The following GABRR3 variants were observed in gnomAD, a reference collection of about 807,000 sequenced individuals.
The protein encoded by GABRR3 is gamma-aminobutyric acid type A receptor subunit rho3.
GABRR3 carries 29 observed loss-of-function variants against 43.2 expected under a neutral mutation model. The observed-to-expected ratio is 0.67, with a 90% CI of 0.50 to 0.92. The LOEUF is 0.92. GABRR3 is among the 40% of genes least tolerant of loss of function. The pLI is 0.00. For synonymous variants in GABRR3, 206 were observed against 195.9 expected (o/e 1.05, Z -0.43); for missense variants, 576 against 572.3 (o/e 1.01, Z -0.07).
intron 2 of GABRR3, among the ~76,000 whole-genome samples, chr3:98,026,876 T>C (rs1707025176): frequency 6.6e-6 from 1 of 152,154 alleles, no homozygotes; most frequent in Admixed American, 6.6e-5. Flanking sequence ...ATACATCTTA[T>C]GGGCACCTGA....
At chr3:98,014,632 G>T (rs969840803) in intron 4 of GABRR3, among the ~76,000 whole-genome samples, 4 of 152,146 alleles carry the variant, frequency 2.6e-5, no homozygotes, top group Non-Finnish European at 5.9e-5. Context: ...TAAGGATGAG[G>T]CAGACCATTA....
chr3:98,031,473 G>C (rs1168561128), intron 2 of GABRR3, among the ~76,000 whole-genome samples: 1 of 152,144 alleles, frequency 6.6e-6, no homozygotes, highest in Non-Finnish European at 1.5e-5. Flanking sequence ...CTGTGGGCAC[G>C]GTGGCTCATG....
In GABRR3 at chr3:98,012,579, GAA is replaced by G. The variant is rs750764240; in HGVS notation, c.307-14_307-13del. The G allele has an allele frequency of 1.9e-6, 3 of 1,568,678 alleles. No homozygotes were observed. Among genetic ancestry groups the G allele is most frequent in the Non-Finnish European group, 2.6e-6 (3 of 1,158,046 alleles). On this transcript the variant is annotated splice_polypyrimidine_tract_variant and intron_variant, in intron 4 of 9. Transcript: ENST00000621172. The stretch of plus-strand genomic sequence containing the variant: ...GTCATTGTAAAGTCCTAGACAGAGA[GAA>G]AAAGAGACCAAAAAAACCAGTAGGA...
intron 7 of GABRR3, among the ~76,000 whole-genome samples, chr3:98,004,156 G>T (rs1039807843): frequency 1.3e-5 from 2 of 152,060 alleles, no homozygotes; most frequent in Non-Finnish European, 2.9e-5. Context: ...CACCTTCAAT[G>T]GCCCTTTGAA....
At chr3:98,014,930 A>T (rs1402966281) in intron 4 of GABRR3, among the ~76,000 whole-genome samples, 1 of 152,194 alleles carries the variant, frequency 6.6e-6, no homozygotes, top group East Asian at 1.9e-4. Flanking sequence ...TAAATTTTAA[A>T]TTTTAACACT....
chr3:97,992,927 C>A (rs78584064), exon 9 of GABRR3: 47 of 1,613,646 alleles, frequency 2.9e-5, no homozygotes, highest in Middle Eastern at 3.3e-4. Context: ...CAATGACTGA[C>A]AGGAACACAA....
chr3:97,996,254 A>C (rs1488159999), intron 8 of GABRR3, among the ~76,000 whole-genome samples: 1 of 152,186 alleles, frequency 6.6e-6, no homozygotes, highest in Admixed American at 6.5e-5. Flanking sequence ...TTTTTCATAT[A>C]GGCCTAGGCA....
chr3:98,025,598 G>A, exon 3 of GABRR3: 2 of 1,610,876 alleles, frequency 1.2e-6, no homozygotes, highest in Non-Finnish European at 1.7e-6. Context: ...CGAAATCGTT[G>A]TCCTCTATAT....
chr3:98,013,082 A>T lies in GABRR3; in HGVS notation c.307-515T>A, dbSNP rs182136584. ...TTATTAGAGCTATTCGTGTAAAGCAAGTTGTCAGAAGTCCTGGGACAGAGA... is the reference window on the plus strand; with the variant it reads ...TTATTAGAGCTATTCGTGTAAAGCATGTTGTCAGAAGTCCTGGGACAGAGA... On this transcript the variant is annotated intron_variant, in intron 4 of 9. Coordinates refer to ENST00000621172, the Ensembl canonical transcript of GABRR3. 2.1e-3 allele frequency among the ~76,000 whole-genome samples: 316 copies of T among 152,334 alleles called. 2 individuals are homozygous for T. The highest frequency in any genetic ancestry group is 7.2e-3 in the African/African-American group (298 of 41,582).
exon 10 of GABRR3, chr3:97,986,857 T>C (rs1706393280): frequency 1.2e-6 from 2 of 1,612,382 alleles, no homozygotes; most frequent in Non-Finnish European, 1.7e-6. Context: ...TGCATATCGA[T>C]TTTCTTCTCA....
At chr3:98,026,827 T>C (rs1707024881) in intron 2 of GABRR3, among the ~76,000 whole-genome samples, 1 of 152,072 alleles carries the variant, frequency 6.6e-6, no homozygotes, top group Admixed American at 6.6e-5. Flanking sequence ...GTGACTTCGA[T>C]GGGGAGAATT....
At chr3:98,021,363 T>C (rs184230596) in intron 3 of GABRR3, among the ~76,000 whole-genome samples, 6 of 152,182 alleles carry the variant, frequency 3.9e-5, no homozygotes, top group African/African-American at 1.4e-4. Flanking sequence ...GAGTCACAGA[T>C]AGAAGGTGGC....
intron 2 of GABRR3, among the ~76,000 whole-genome samples, chr3:98,027,855 G>A (rs1707042242): frequency 1.3e-5 from 2 of 151,838 alleles, no homozygotes; most frequent in South Asian, 2.1e-4. Flanking sequence ...GTTCCTTTAA[G>A]TGTATCCAGT....
chr3:98,013,661 C>T (rs369651117), intron 4 of GABRR3, among the ~76,000 whole-genome samples: 287 of 152,220 alleles, frequency 1.9e-3, no homozygotes, highest in Non-Finnish European at 3.4e-3. Flanking sequence ...GCTAGTTTGT[C>T]CTAGGTTCAG....
chr3:98,018,755 T>G (rs550112589), intron 3 of GABRR3, among the ~76,000 whole-genome samples: 88 of 152,292 alleles, frequency 5.8e-4, no homozygotes, highest in Non-Finnish European at 1.0e-3. Flanking sequence ...ATGTTTTCAA[T>G]TATGGTTGAG....
intron 2 of GABRR3, among the ~76,000 whole-genome samples, chr3:98,033,675 C>T (rs573206383): frequency 1.1e-4 from 16 of 152,114 alleles, no homozygotes; most frequent in East Asian, 9.6e-4. Flanking sequence ...TACTATAAAA[C>T]GTAATAAGCT....
At chr3:98,015,617 A>G (rs959660641) in intron 4 of GABRR3, among the ~76,000 whole-genome samples, 1 of 152,228 alleles carries the variant, frequency 6.6e-6, no homozygotes, top group Non-Finnish European at 1.5e-5. Flanking sequence ...AGTAGGTACC[A>G]GTTAGGGCCT....
intron 3 of GABRR3, 50 bp downstream of exon 3, chr3:98,025,517 T>G (rs1286221131): frequency 1.2e-5 from 15 of 1,244,784 alleles, no homozygotes; most frequent in Admixed American, 2.5e-5. Flanking sequence ...TCACCTCCAT[T>G]TTGACAGTGC....
chr3:97,988,908 G>T (rs1002955498), intron 9 of GABRR3, among the ~76,000 whole-genome samples: 2 of 151,102 alleles, frequency 1.3e-5, no homozygotes, highest in Non-Finnish European at 3.0e-5. Context: ...GGTGGTGGGT[G>T]GTGAGTAGGG....
Sources: allele counts gnomAD v4.1 joint callset (sites outside exome capture counted in the v4.1 genomes callset), GRCh38; gene constraint gnomAD v4.1.1; transcripts MANE v1.5; gene names NCBI Gene and HGNC (gene_info 2026-07-23, HGNC 2026-07-21).